Variants in KIAA0825 observed in about 807,000 individuals in gnomAD.
The protein encoded by KIAA0825 is KIAA0825.
In KIAA0825, 119 loss-of-function variants were observed where a neutral mutation model predicts 147.6. That is an observed-to-expected ratio of 0.81 (90% CI 0.69 to 0.94). The LOEUF (loss-of-function observed/expected upper bound fraction) is 0.94. Among genes scored for constraint, KIAA0825 ranks in the 40% least tolerant of loss-of-function variants. The pLI is 0.00. For synonymous variants in KIAA0825, 470 were observed against 518.1 expected (o/e 0.91, Z 1.26); for missense variants, 1,381 against 1,472.7 (o/e 0.94, Z 1.02).
At chr5:94,540,959 T>C (rs1773179325) in intron 2 of KIAA0825, among the ~76,000 whole-genome samples, 1 of 152,224 alleles carries the variant, frequency 6.6e-6, no homozygotes, top group Non-Finnish European at 1.5e-5. Context: ...CTCTTGTATA[T>C]AAATTTTTAT....
chr5:94,617,533 A>T (rs1384844862), intron 1 of KIAA0825, among the ~76,000 whole-genome samples: 1 of 146,238 alleles, frequency 6.8e-6, no homozygotes. Flanking sequence ...GCATACCCAT[A>T]AAAAAAATGC....
intron 20 of KIAA0825, among the ~76,000 whole-genome samples, chr5:94,332,373 C>T (rs988521124): frequency 7.2e-5 from 11 of 151,920 alleles, no homozygotes; most frequent in African/African-American, 2.7e-4. Flanking sequence ...GCTATCCCTC[C>T]CCTTGCCACC....
chr5:94,251,985 T>C (rs1775986708), intron 20 of KIAA0825, among the ~76,000 whole-genome samples: 1 of 152,188 alleles, frequency 6.6e-6, no homozygotes. Flanking sequence ...TTCCTTTTGG[T>C]TGTCATTAAC....
intron 20 of KIAA0825, among the ~76,000 whole-genome samples, chr5:94,201,496 C>T (rs1031063838): frequency 1.3e-5 from 2 of 152,032 alleles, no homozygotes; most frequent in Non-Finnish European, 2.9e-5. Flanking sequence ...CAGCCTTGAT[C>T]CTTTGTGCTC....
chr5:94,597,646 A>G (rs1785549510), intron 1 of KIAA0825, among the ~76,000 whole-genome samples: 2 of 152,272 alleles, frequency 1.3e-5, no homozygotes, highest in African/African-American at 4.8e-5. Context: ...TGTGTCACTT[A>G]AAGATGGTGA....
chr5:94,284,269 C>T (rs1323517109), intron 20 of KIAA0825, among the ~76,000 whole-genome samples: 2 of 151,996 alleles, frequency 1.3e-5, no homozygotes, highest in East Asian at 1.9e-4. Flanking sequence ...ATTAAAGGTG[C>T]CACTTTGACA....
intron 1 of KIAA0825, among the ~76,000 whole-genome samples, chr5:94,608,113 G>A (rs10043779): frequency 0.37 from 55,734 of 151,456 alleles, 11,153 homozygotes; most frequent in African/African-American, 0.49. Context: ...CAGGTTCTAC[G>A]TATTAGGATG....
At chr5:94,414,243 T>G (rs1003818214) in intron 15 of KIAA0825, 1 of 152,218 alleles carries the variant, frequency 6.6e-6, no homozygotes, top group African/African-American at 2.4e-5. Flanking sequence ...CAATACTTTT[T>G]GAGTATATTA....
chr5:94,228,992 A>T (rs1316503459), intron 20 of KIAA0825, among the ~76,000 whole-genome samples: 1 of 152,132 alleles, frequency 6.6e-6, no homozygotes, highest in Non-Finnish European at 1.5e-5. Flanking sequence ...GTTTCCCCAC[A>T]TTTATAACCC....
chr5:94,545,457 T>C (rs1381588351), intron 2 of KIAA0825, among the ~76,000 whole-genome samples: 1 of 152,132 alleles, frequency 6.6e-6, no homozygotes. Flanking sequence ...ACTCATTCCT[T>C]CTGCTTAAGG....
intron 14 of KIAA0825, among the ~76,000 whole-genome samples, chr5:94,429,548 T>C (rs1755377402): frequency 6.6e-6 from 1 of 152,184 alleles, no homozygotes; most frequent in South Asian, 2.1e-4. Flanking sequence ...AAAAACTGTC[T>C]GTGGTCAATG....
chr5:94,533,930 G>A (rs539129930), intron 3 of KIAA0825, among the ~76,000 whole-genome samples: 19 of 152,270 alleles, frequency 1.2e-4, no homozygotes, highest in African/African-American at 4.3e-4. Flanking sequence ...TGGTCCATTC[G>A]GGTGAATCAC....
At chr5:94,579,545 C>A (rs1781695298) in intron 2 of KIAA0825, among the ~76,000 whole-genome samples, 1 of 152,170 alleles carries the variant, frequency 6.6e-6, no homozygotes, top group South Asian at 2.1e-4. Context: ...CATCACCGTA[C>A]AATGAAGGAC....
Position 94,469,976 on chromosome 5 carries a change from G to C in KIAA0825, c.1857C>G (p.Tyr619Ter). 6.4e-7 allele frequency: 1 copy of C among 1,551,424 alleles called. No individual in the cohort carries two copies. Among genetic ancestry groups the C allele is most frequent in the South Asian group, 1.2e-5 (1 of 83,976 alleles). The change falls in exon 10 of 21, where the codon TAC becomes TAG. Residue 619 changes from tyrosine to a stop codon, truncating the protein, a stop_gained. Coordinates refer to ENST00000682413, the MANE Select transcript of KIAA0825 (RefSeq NM_001145678.3). LOFTEE classifies it high-confidence loss of function. ...QDAESHHWDDYKAFYEGERCS... is the reference protein window; with the variant it reads ...QDAESHHWDD ...AACTTCACACCTCATAAAAAGCTTTGTAGTCATCCCAGTGGTGGCTCTCAG... is the reference window on the plus strand; with the variant it reads ...AACTTCACACCTCATAAAAAGCTTTCTAGTCATCCCAGTGGTGGCTCTCAG...
At chr5:94,526,446 G>A (rs1769297920) in intron 3 of KIAA0825, among the ~76,000 whole-genome samples, 1 of 151,888 alleles carries the variant, frequency 6.6e-6, no homozygotes, top group Admixed American at 6.6e-5. Flanking sequence ...ATTTCTCATA[G>A]TACTCTATGC....
chr5:94,408,419 G>C (rs985483394), intron 15 of KIAA0825, among the ~76,000 whole-genome samples: 1 of 152,036 alleles, frequency 6.6e-6, no homozygotes, highest in Non-Finnish European at 1.5e-5. Flanking sequence ...GTGCGATCTT[G>C]GCTCACTGTA....
intron 5 of KIAA0825, among the ~76,000 whole-genome samples, chr5:94,493,360 G>A (rs1312865065): frequency 2.0e-5 from 3 of 152,146 alleles, no homozygotes; most frequent in African/African-American, 4.8e-5. Flanking sequence ...ATAACTAATG[G>A]TGTCACCCTT....
rs901994338 is a variant in KIAA0825, at chr5:94,191,583, T to G, written c.3711-37459A>C. ...TAAATCCATATTTAAATTAAGTTTC[T>G]ATAACTAACCTACATGGTACTTTAA... On this transcript the variant is annotated intron_variant, in intron 20 of 20. Transcript: ENST00000682413. 5.3e-5 allele frequency among the ~76,000 whole-genome samples: 8 copies of G among 152,222 alleles called. No individual in the cohort carries two copies. The East Asian group carries it at 1.5e-3, about 29-fold the overall frequency.
intron 13 of KIAA0825, among the ~76,000 whole-genome samples, chr5:94,443,618 TTAAAC>T (rs1405188843): frequency 6.6e-6 from 1 of 152,186 alleles, no homozygotes; most frequent in African/African-American, 2.4e-5. Context: ...TATGAAACTA[TTAAAC>T]TATTTTTATA....
Sources: gnomAD v4.1 joint callset for allele counts (sites outside exome capture counted in the v4.1 genomes callset) on GRCh38, gnomAD v4.1.1 for gene constraint, MANE v1.5 for transcripts, NCBI Gene and HGNC (gene_info 2026-07-23, HGNC 2026-07-21) for gene names.